Variants in CCDC88C observed in about 807,000 individuals in gnomAD.
The protein encoded by CCDC88C is coiled-coil and HOOK domain protein 88C.
CCDC88C carries 131 observed loss-of-function variants against 198.8 expected under a neutral mutation model. That is an observed-to-expected ratio of 0.66 (90% CI 0.57 to 0.76). The LOEUF is 0.76. Among genes scored for constraint, CCDC88C ranks in the 30% least tolerant of loss-of-function variants. CCDC88C has a pLI of 0.00. For missense variants in CCDC88C, 2,553 were observed against 2,631.6 expected (o/e 0.97, Z 0.65); for synonymous variants, 1,166 against 1,114.7 (o/e 1.05, Z -0.92).
intron 3 of CCDC88C, among the ~76,000 whole-genome samples, chr14:91,405,925 ACT>A (rs894019350): frequency 1.3e-5 from 2 of 152,182 alleles, no homozygotes; most frequent in African/African-American, 4.8e-5. Flanking sequence ...GTCAGCATAC[ACT>A]GACTGACCAT....
chr14:91,364,610 C>G (rs1392345130), intron 3 of CCDC88C, among the ~76,000 whole-genome samples: 1 of 152,244 alleles, frequency 6.6e-6, no homozygotes, highest in East Asian at 1.9e-4. Context: ...ATCAGTCACC[C>G]CAAGGGGGAG....
intron 3 of CCDC88C, chr14:91,379,840 C>T: frequency 1.4e-6 from 1 of 703,036 alleles, no homozygotes; most frequent in Non-Finnish European, 2.6e-6. Flanking sequence ...AACTCAAACG[C>T]TGTGTCTGCC....
intron 24 of CCDC88C, 62 bp downstream of exon 24, chr14:91,290,933 T>C: frequency 9.9e-7 from 1 of 1,011,072 alleles, no homozygotes; most frequent in South Asian, 1.4e-5. Flanking sequence ...GCTTTCACCC[T>C]GTGCACAGAA....
At chr14:91,275,624 C>T (rs1472695847) in intron 29 of CCDC88C, among the ~76,000 whole-genome samples, 2 of 151,634 alleles carry the variant, frequency 1.3e-5, no homozygotes, top group Admixed American at 1.3e-4. Context: ...ATCACAGGCA[C>T]CCACCACCAT....
chr14:91,323,795 C>CA (rs1892457067), intron 12 of CCDC88C, among the ~76,000 whole-genome samples: 1 of 152,242 alleles, frequency 6.6e-6, no homozygotes, highest in Non-Finnish European at 1.5e-5. Context: ...CTTCCAGAGG[C>CA]AAGGGATTTG....
chr14:91,281,087 C>T (rs138032947), intron 27 of CCDC88C: 19 of 454,554 alleles, frequency 4.2e-5, no homozygotes, highest in Middle Eastern at 3.2e-4. Context: ...AGACTAAATA[C>T]GCCTCAGAGC....
At position 91,313,138 on chromosome 14, in the gene CCDC88C, T is replaced by A; in HGVS notation, c.2678A>T (p.Asn893Ile). The change falls in exon 15 of 30, where the codon AAC becomes ATC. Residue 893 changes from asparagine (N) to isoleucine (I), a missense_variant. Coordinates refer to ENST00000389857, the MANE Select transcript of CCDC88C (RefSeq NM_001080414.4). This position sits in a 1 kb window ranked among gnomAD's most constrained non-coding sequence, Gnocchi z 5.2. ...GGTGACTTGCTTGGTGAGGTCCCGG[T>A]TGTCCTTCTCCAGCTCCTTCAGCTT... is the stretch of plus-strand genomic sequence containing the variant. ...AGKLKELEKD[N>I]RDLTKQVTVH... 1 of 1,609,496 alleles carries A rather than the reference T, an allele frequency of 6.2e-7. No individual in the cohort carries two copies. Among genetic ancestry groups the A allele is most frequent in the Non-Finnish European group, 8.5e-7 (1 of 1,176,832 alleles).
At chr14:91,360,403 C>T (rs1349380166) in intron 3 of CCDC88C, among the ~76,000 whole-genome samples, 1 of 152,042 alleles carries the variant, frequency 6.6e-6, no homozygotes, top group Admixed American at 6.6e-5. Context: ...AGTTATCACA[C>T]CACTGCACTC....
Position 91,313,319 on chromosome 14 carries a change from C to A in CCDC88C, c.2497G>T (p.Asp833Tyr). The change falls in exon 15 of 30, where the codon GAT becomes TAT. Residue 833 changes from aspartate to tyrosine, a missense_variant. Physicochemically the swap from Asp to Tyr is radical, Grantham distance 160 (BLOSUM62 -3). This residue lies in a region of CCDC88C where 1,260 missense variants were observed against 1,412.0 expected (regional missense o/e 0.89). Coordinates refer to ENST00000389857, the MANE Select transcript of CCDC88C (RefSeq NM_001080414.4). This position sits in a 1 kb window ranked among gnomAD's most constrained non-coding sequence, Gnocchi z 5.2. ...GCCTCCTTCTCCAGCAGCTTCTTAT[C>A]CTTCTCGAGCTGGGCCACCTCCTGC... is the stretch of plus-strand genomic sequence containing the variant. ...LEQEVAQLEK[D>Y]KKLLEKEAKR... 1.2e-6 allele frequency: 2 copies of A among 1,613,648 alleles called. No individual in the cohort carries two copies. Among genetic ancestry groups the A allele is most frequent in the Non-Finnish European group, 8.5e-7 (1 of 1,179,886 alleles).
chr14:91,297,493 T>C lies in CCDC88C; in HGVS notation c.3780-2A>G. 1 of 1,553,412 alleles carries C rather than the reference T, an allele frequency of 6.4e-7. No individual in the cohort carries two copies. Among genetic ancestry groups the C allele is most frequent in the South Asian group, 1.2e-5 (1 of 84,186 alleles). ...AGCTGGTGGTGCAGGAAATTGACCCTGGAGGAGGAAGAGTCACAGGGCAAA... is the reference window on the plus strand; with the variant it reads ...AGCTGGTGGTGCAGGAAATTGACCCCGGAGGAGGAAGAGTCACAGGGCAAA... On this transcript the variant is annotated splice_acceptor_variant, in intron 21 of 29. Coordinates refer to ENST00000389857, the MANE Select transcript of CCDC88C (RefSeq NM_001080414.4). LOFTEE classifies it high-confidence loss of function.
rs912193844 is a variant in CCDC88C at position 91,326,065 on chromosome 14, C to CA, written c.1051-10dup. ...TTATCTTCTCTCAGCTCCTGGTTAGCAAAAACATACATGAGAACCATCAGA... is the reference window on the plus strand; with the variant it reads ...TTATCTTCTCTCAGCTCCTGGTTAGCAAAAAACATACATGAGAACCATCAGA... On this transcript the variant is annotated splice_polypyrimidine_tract_variant and intron_variant, in intron 10 of 29. Coordinates refer to ENST00000389857, the MANE Select transcript of CCDC88C (RefSeq NM_001080414.4). 6.2e-7 allele frequency: 1 copy of CA among 1,605,956 alleles called. No homozygotes were observed.
intron 21 of CCDC88C, among the ~76,000 whole-genome samples, chr14:91,299,508 G>A (rs118032282): frequency 0.038 from 5,857 of 152,280 alleles, 159 homozygotes; most frequent in Non-Finnish European, 0.055. Context: ...GCGTGTCCAC[G>A]AAAGCCCCAC....
intron 4 of CCDC88C, among the ~76,000 whole-genome samples, chr14:91,349,791 G>T (rs1198188879): frequency 2.0e-5 from 3 of 152,208 alleles, no homozygotes; most frequent in Non-Finnish European, 4.4e-5. Context: ...ACAGTCATAA[G>T]CTTCCAAAAC....
chr14:91,312,402 G>A (rs2139802106), intron 15 of CCDC88C, among the ~76,000 whole-genome samples: 1 of 152,138 alleles, frequency 6.6e-6, no homozygotes, highest in East Asian at 1.9e-4. Flanking sequence ...ATAAGTAAGG[G>A]TCGGGCGCGG....
intron 2 of CCDC88C, among the ~76,000 whole-genome samples, chr14:91,412,521 G>A (rs1886843737): frequency 6.6e-6 from 1 of 151,118 alleles, no homozygotes; most frequent in Non-Finnish European, 1.5e-5. Flanking sequence ...TGCAAGCTCT[G>A]CCTCCCGGGT....
chr14:91,412,738 T>A (rs940399600), intron 2 of CCDC88C, among the ~76,000 whole-genome samples: 2 of 152,168 alleles, frequency 1.3e-5, no homozygotes, highest in Non-Finnish European at 2.9e-5. Flanking sequence ...CCCAGCCTGT[T>A]TGTATAATTT....
chr14:91,381,253 C>T lies in CCDC88C; in HGVS notation c.271-21542G>A, dbSNP rs765209433. Among the ~76,000 whole-genome samples, 1 of 152,146 alleles carries T rather than the reference C, an allele frequency of 6.6e-6. No homozygotes were observed. The highest frequency in any genetic ancestry group is 1.5e-5 in the Non-Finnish European group (1 of 68,048). On this transcript the variant is annotated intron_variant, in intron 3 of 29. Coordinates refer to ENST00000389857, the MANE Select transcript of CCDC88C (RefSeq NM_001080414.4). The surrounding 1 kb of genome is among the most constrained non-coding windows in gnomAD (Gnocchi z 4.2). ...GTCCTCTGAAGGAGACTGTGACCCA[C>T]CAGACCCCTCACACATGCCCGTGAG...
chr14:91,313,457 T>C lies in CCDC88C; in HGVS notation c.2359A>G (p.Ser787Gly), dbSNP rs761173413. 101 of 1,607,468 alleles carry C rather than the reference T, an allele frequency of 6.3e-5. No homozygotes were observed. Among genetic ancestry groups the C allele is most frequent in the Non-Finnish European group, 8.3e-5 (98 of 1,179,528 alleles). ...SSSHKTQTLESELGELEAERQ... is the reference protein window; with the variant it reads ...SSSHKTQTLEGELGELEAERQ... ...TCAGCCTCCAGCTCGCCCAGCTCAC[T>C]CTCCAAGGTCTGCGTCTTGTGGCTG... Residue 787 changes from serine to glycine, a missense_variant, in exon 15 of 30, where the codon AGT (serine) becomes GGT (glycine). Ser to Gly is a moderately conservative substitution (Grantham distance 56). Around this residue, in one of 2 missense-constraint regions of CCDC88C, gnomAD observed 1,260 missense variants for 1,412.0 expected, o/e 0.89. Coordinates refer to ENST00000389857, the MANE Select transcript of CCDC88C (RefSeq NM_001080414.4). This position sits in a 1 kb window ranked among gnomAD's most constrained non-coding sequence, Gnocchi z 5.2.
At position 91,303,595 on chromosome 14, in the gene CCDC88C, C is replaced by A. The variant is rs1051868803; in HGVS notation, c.3635+106G>T. Reference sequence around the variant, plus strand: ...CCCATCTTCCCCAGGCCCTGCCTCTCCCCTAGGTCCCACCCATCTACCCCA... The same window carrying A: ...CCCATCTTCCCCAGGCCCTGCCTCTACCCTAGGTCCCACCCATCTACCCCA... On this transcript the variant is annotated intron_variant, in intron 20 of 29. Coordinates refer to ENST00000389857, the MANE Select transcript of CCDC88C (RefSeq NM_001080414.4). 1.9e-5 allele frequency: 23 copies of A among 1,206,504 alleles called. No individual in the cohort carries two copies. In the East Asian group the frequency reaches 5.8e-4, roughly 31 times the overall value. The allele number at this position is 1,206,504 out of a possible 1,614,324, so 74.7% of individuals were successfully genotyped here. A position where few individuals can be genotyped will look rare whatever the true frequency, so the allele number is the denominator to read the frequency against.
Sources: gnomAD v4.1 joint callset for allele counts (sites outside exome capture counted in the v4.1 genomes callset) on GRCh38, gnomAD v4.1.1 for gene constraint, gnomAD v4.1.1 regional missense constraint, Gnocchi (gnomAD v3.1) non-coding constraint, MANE v1.5 for transcripts, NCBI Gene and HGNC (gene_info 2026-07-23, HGNC 2026-07-21) for gene names.